MAN1A2: variants seen among roughly 807,000 people sequenced by gnomAD.
The protein encoded by MAN1A2 is mannosyl-oligosaccharide 1,2-alpha-mannosidase IB.
A neutral mutation model predicts 75.7 loss-of-function variants in MAN1A2; 26 were observed. That is an observed-to-expected ratio of 0.34 (90% confidence interval 0.25 to 0.48). The LOEUF (loss-of-function observed/expected upper bound fraction) is 0.48. Among genes scored for constraint, MAN1A2 ranks in the 20% least tolerant of loss-of-function variants. MAN1A2 has a pLI of 0.99. For synonymous variants in MAN1A2, 247 were observed against 264.6 expected (o/e 0.93, Z 0.65); for missense variants, 562 against 775.5 (o/e 0.72, Z 3.27).
intron 12 of MAN1A2, among the ~76,000 whole-genome samples, chr1:117,509,086 G>T (rs1047324225): frequency 1.3e-5 from 2 of 150,702 alleles, no homozygotes; most frequent in African/African-American, 4.9e-5. Flanking sequence ...GATCATTGAA[G>T]AAAAGATTGA....
chr1:117,434,622 T>C (rs979843324), intron 5 of MAN1A2, among the ~76,000 whole-genome samples: 15 of 152,170 alleles, frequency 9.9e-5, no homozygotes, highest in African/African-American at 3.1e-4. Flanking sequence ...ACTGAATAAA[T>C]TGATATATCT....
At chr1:117,467,613 C>T (rs1373376560) in intron 8 of MAN1A2, among the ~76,000 whole-genome samples, 1 of 151,928 alleles carries the variant, frequency 6.6e-6, no homozygotes, top group Non-Finnish European at 1.5e-5. Context: ...GCTCTAATGC[C>T]TAGACTGAGT....
At chr1:117,389,327 G>A (rs1246811129) in intron 1 of MAN1A2, among the ~76,000 whole-genome samples, 2 of 152,172 alleles carry the variant, frequency 1.3e-5, no homozygotes, top group Non-Finnish European at 2.9e-5. Context: ...TGGGGTGGGG[G>A]ATGATGGCTT....
At chr1:117,368,621 C>A in intron 1 of MAN1A2, 136 bp downstream of exon 1, 1 of 774,066 alleles carries the variant, frequency 1.3e-6, no homozygotes, top group South Asian at 1.8e-5. Flanking sequence ...TACTTCAAGA[C>A]TGGCTGAATA....
chr1:117,469,792 A>G (rs956552424), intron 8 of MAN1A2, among the ~76,000 whole-genome samples: 11 of 152,174 alleles, frequency 7.2e-5, no homozygotes, highest in Admixed American at 3.3e-4. Flanking sequence ...CACAGCTACT[A>G]GGAAGACTGT....
chr1:117,452,142 A>C (rs1649440189), intron 6 of MAN1A2, among the ~76,000 whole-genome samples: 1 of 151,370 alleles, frequency 6.6e-6, no homozygotes, highest in South Asian at 2.1e-4. Flanking sequence ...CCCCATCTTT[A>C]CTAAAAATAC....
At chr1:117,418,689 CATCAAGTTTAGTAG>C (rs1387097404) in intron 4 of MAN1A2, among the ~76,000 whole-genome samples, 2 of 152,056 alleles carry the variant, frequency 1.3e-5, no homozygotes, top group Non-Finnish European at 1.5e-5. Flanking sequence ...CTTACATTTT[CATCAAGTTTAGTAG>C]GTTCTCAGTT....
chr1:117,484,859 G>A (rs1014575473), intron 8 of MAN1A2, among the ~76,000 whole-genome samples: 10 of 151,750 alleles, frequency 6.6e-5, no homozygotes, highest in Admixed American at 2.6e-4. Context: ...TTATTCATTC[G>A]TGACACACTC....
chr1:117,511,931 C>T (rs992414803), intron 12 of MAN1A2, among the ~76,000 whole-genome samples: 2 of 152,042 alleles, frequency 1.3e-5, no homozygotes, highest in Non-Finnish European at 2.9e-5. Context: ...TAGGGCCACT[C>T]ATATACTATG....
intron 8 of MAN1A2, among the ~76,000 whole-genome samples, chr1:117,478,110 A>G (rs1557967278): frequency 6.6e-6 from 1 of 151,970 alleles, no homozygotes; most frequent in Admixed American, 6.6e-5. Context: ...GAGAACTACA[A>G]TTTTAGCCAT....
chr1:117,510,770 A>C (rs1330764861), intron 12 of MAN1A2, among the ~76,000 whole-genome samples: 2 of 152,098 alleles, frequency 1.3e-5, no homozygotes, highest in Non-Finnish European at 2.9e-5. Context: ...TGCATCAATG[A>C]ATGTAAAATA....
intron 5 of MAN1A2, among the ~76,000 whole-genome samples, chr1:117,439,453 C>T (rs1421694244): frequency 1.3e-5 from 2 of 151,970 alleles, no homozygotes; most frequent in Non-Finnish European, 2.9e-5. Context: ...CACTTCCCTC[C>T]TCAAGAAACT....
chr1:117,526,239 CAT>C lies in MAN1A2; in HGVS notation c.*3283_*3284del, dbSNP rs1438683924. 6.6e-6 allele frequency: 1 copy of C among 151,814 alleles called. No individual in the cohort carries two copies. Among genetic ancestry groups the C allele is most frequent in the Non-Finnish European group, 1.5e-5 (1 of 67,810 alleles). The allele number at this position is 151,814 out of a possible 1,614,324, so 9.4% of individuals were successfully genotyped here. ...GAACGAACATTTATGAAGTATCTAACATGTGCCAAGCATTGTGCCTGGCACTT... is the reference window on the plus strand; with the variant it reads ...GAACGAACATTTATGAAGTATCTAACGTGCCAAGCATTGTGCCTGGCACTT... On this transcript the variant is annotated 3_prime_UTR_variant, in exon 13 of 13. Transcript: ENST00000356554.
chr1:117,407,148 T>G (rs1378658789), intron 3 of MAN1A2, among the ~76,000 whole-genome samples: 1 of 152,134 alleles, frequency 6.6e-6, no homozygotes, highest in Non-Finnish European at 1.5e-5. Context: ...TAGTCAAAAT[T>G]AGGTGCTGCT....
intron 6 of MAN1A2, among the ~76,000 whole-genome samples, chr1:117,454,286 C>T (rs11581669): frequency 0.11 from 17,142 of 152,086 alleles, 1,057 homozygotes; most frequent in Non-Finnish European, 0.14. Flanking sequence ...TGTAAATTCA[C>T]AGATTCCAAC....
intron 8 of MAN1A2, among the ~76,000 whole-genome samples, chr1:117,478,034 A>G (rs896645193): frequency 6.6e-6 from 1 of 152,074 alleles, no homozygotes; most frequent in African/African-American, 2.4e-5. Context: ...CCCATTCACA[A>G]TTGCTACAAA....
chr1:117,522,080 T>G (rs1651885154), intron 12 of MAN1A2, among the ~76,000 whole-genome samples: 1 of 151,786 alleles, frequency 6.6e-6, no homozygotes, highest in Non-Finnish European at 1.5e-5. Flanking sequence ...TATGAGGCAG[T>G]ATGTACTGCT....
At chr1:117,486,385 A>G (rs1272999018) in intron 8 of MAN1A2, among the ~76,000 whole-genome samples, 1 of 151,918 alleles carries the variant, frequency 6.6e-6, no homozygotes, top group African/African-American at 2.4e-5. Flanking sequence ...CTCTATAATA[A>G]GGAGAACATT....
chr1:117,389,685 G>A (rs143953514), intron 1 of MAN1A2, among the ~76,000 whole-genome samples: 2 of 152,128 alleles, frequency 1.3e-5, no homozygotes, highest in Non-Finnish European at 2.9e-5. Context: ...GCAATTTAAA[G>A]GTCTTATAAG....
Sources: gnomAD v4.1 joint callset for allele counts (sites outside exome capture counted in the v4.1 genomes callset) on GRCh38, gnomAD v4.1.1 for gene constraint, MANE v1.5 for transcripts, NCBI Gene and HGNC (gene_info 2026-07-23, HGNC 2026-07-21) for gene names.